The following ARL8B variants were observed in gnomAD, a reference collection of about 807,000 sequenced individuals.
ARL8B encodes the protein ADP-ribosylation factor-like protein 8B.
In ARL8B, 9 loss-of-function variants were observed where a neutral mutation model predicts 30.6. The ratio of observed to expected loss-of-function variants is 0.29; its 90% CI spans 0.18 to 0.51. ARL8B has a LOEUF of 0.51. Among genes scored for constraint, ARL8B ranks in the 20% least tolerant of loss-of-function variants. ARL8B has a pLI of 0.97. For synonymous variants in ARL8B, 74 were observed against 76.0 expected, an observed-to-expected ratio of 0.97 and a Z score of 0.14; for missense variants, 130 against 227.2, an observed-to-expected ratio of 0.57 and a Z score of 2.75.
At chr3:5,176,324 G>A (rs960475236) in intron 6 of ARL8B, among the ~76,000 whole-genome samples, 63 of 152,024 alleles carry the variant, frequency 4.1e-4, no homozygotes, top group African/African-American at 1.4e-3. Flanking sequence ...TCCACTTCCC[G>A]GGTTCAAGTG....
At chr3:5,123,420 G>C (rs2054201361) in intron 1 of ARL8B, among the ~76,000 whole-genome samples, 1 of 152,216 alleles carries the variant, frequency 6.6e-6, no homozygotes, top group African/African-American at 2.4e-5. Context: ...TGTGGTGTTT[G>C]TTCAGCAATG....
At chr3:5,178,401 G>T (rs1349283732) in intron 6 of ARL8B, among the ~76,000 whole-genome samples, 3 of 132,194 alleles carry the variant, frequency 2.3e-5, no homozygotes, top group African/African-American at 2.9e-5. Flanking sequence ...TGCAACACCT[G>T]ATTGATTGTG....
intron 1 of ARL8B, among the ~76,000 whole-genome samples, chr3:5,136,362 C>A (rs951387478): frequency 6.6e-6 from 1 of 152,296 alleles, no homozygotes; most frequent in East Asian, 1.9e-4. Flanking sequence ...AATTCCAATT[C>A]AGTCTGAAGT....
chr3:5,162,579 C>T (rs1479394739), intron 1 of ARL8B, among the ~76,000 whole-genome samples: 1 of 152,080 alleles, frequency 6.6e-6, no homozygotes, highest in Non-Finnish European at 1.5e-5. Flanking sequence ...TTTGGGCCAT[C>T]AGGTAAAAGA....
At chr3:5,174,689 TTATATGTAATA>T (rs1191450297) in intron 6 of ARL8B, among the ~76,000 whole-genome samples, 13 of 57,294 alleles carry the variant, frequency 2.3e-4, no homozygotes, top group South Asian at 2.1e-3. Flanking sequence ...GTATTATATA[TTATATGTAATA>T]TATATGTAAT....
At chr3:5,157,034 TA>T (rs2054539617) in intron 1 of ARL8B, 1 of 152,252 alleles carries the variant, frequency 6.6e-6, no homozygotes, top group Non-Finnish European at 1.5e-5. Context: ...CTGTGGAGAA[TA>T]TTGATTTGTT....
intron 6 of ARL8B, 99 bp from the exon 7 acceptor site, chr3:5,178,565 C>T (rs1430315716): frequency 6.1e-6 from 7 of 1,145,800 alleles, no homozygotes; most frequent in Non-Finnish European, 7.6e-6. Flanking sequence ...AGAGGTCAGG[C>T]ATAGTGTGTG....
Position 5,122,424 on chromosome 3 carries a change from G to T in ARL8B, c.-42G>T, listed in dbSNP as rs1249056141. 4 of 1,609,658 alleles carry T rather than the reference G, an allele frequency of 2.5e-6. No individual in the cohort carries two copies. The highest frequency in any genetic ancestry group is 4.5e-5 in the East Asian group (2 of 44,808). On this transcript the variant is annotated 5_prime_UTR_variant, in exon 1 of 7. Transcript: ENST00000256496. ...TCGTGTGGAAGTCGTCGACGCCGCCGCTCGTCCGTCCTCCCGTCCGTTCTC... is the reference window on the plus strand; with the variant it reads ...TCGTGTGGAAGTCGTCGACGCCGCCTCTCGTCCGTCCTCCCGTCCGTTCTC...
At chr3:5,148,355 T>C (rs1277674893) in intron 1 of ARL8B, among the ~76,000 whole-genome samples, 1 of 152,186 alleles carries the variant, frequency 6.6e-6, no homozygotes, top group Non-Finnish European at 1.5e-5. Context: ...GTGGAAGGGA[T>C]AGGGAAGTTC....
chr3:5,168,097 A>C (rs2054639765), intron 1 of ARL8B, among the ~76,000 whole-genome samples: 1 of 152,114 alleles, frequency 6.6e-6, no homozygotes, highest in African/African-American at 2.4e-5. Context: ...TCTATTGTCT[A>C]GGCTGGAGTA....
At chr3:5,154,810 A>G (rs919565406) in intron 1 of ARL8B, among the ~76,000 whole-genome samples, 2 of 152,208 alleles carry the variant, frequency 1.3e-5, no homozygotes, top group Non-Finnish European at 2.9e-5. Context: ...TCCGGGGTTC[A>G]TGTGATTCTC....
intron 1 of ARL8B, among the ~76,000 whole-genome samples, chr3:5,164,421 A>T (rs1375774017): frequency 2.0e-5 from 3 of 152,218 alleles, no homozygotes; most frequent in African/African-American, 4.8e-5. Flanking sequence ...AATTTGTTTT[A>T]TTTGGAAATT....
At chr3:5,154,160 CTTTGGAAAT>C (rs2054512399) in intron 1 of ARL8B, among the ~76,000 whole-genome samples, 1 of 151,824 alleles carries the variant, frequency 6.6e-6, no homozygotes, top group African/African-American at 2.4e-5. Flanking sequence ...GTAATTTTGT[CTTTGGAAAT>C]TTTGGAAATT....
chr3:5,147,213 C>T (rs1466614362), intron 1 of ARL8B, among the ~76,000 whole-genome samples: 1 of 152,112 alleles, frequency 6.6e-6, no homozygotes, highest in African/African-American at 2.4e-5. Context: ...TGTTCCCCAC[C>T]CTGTGTCCAG....
At chr3:5,142,633 T>C (rs1342495060) in intron 1 of ARL8B, among the ~76,000 whole-genome samples, 4 of 152,236 alleles carry the variant, frequency 2.6e-5, no homozygotes, top group African/African-American at 9.6e-5. Flanking sequence ...TTCTAAGGTT[T>C]GCCTTAAATC....
At chr3:5,175,047 T>A (rs1347387875) in intron 6 of ARL8B, among the ~76,000 whole-genome samples, 13 of 152,046 alleles carry the variant, frequency 8.6e-5, no homozygotes. Flanking sequence ...ATGATCCAAC[T>A]GCCTCGGCCC....
chr3:5,144,708 G>A (rs1020664854), intron 1 of ARL8B, among the ~76,000 whole-genome samples: 7 of 152,198 alleles, frequency 4.6e-5, no homozygotes, highest in African/African-American at 1.7e-4. Context: ...AGGGAGGCTT[G>A]CATAGCAGCT....
chr3:5,147,250 A>G (rs59624589), intron 1 of ARL8B, among the ~76,000 whole-genome samples: 42,781 of 151,884 alleles, frequency 0.28, 6,677 homozygotes, highest in African/African-American at 0.43. Flanking sequence ...GTTCCCACCT[A>G]TGAGTGAGAA....
chr3:5,140,558 G>GTT (rs4054878), intron 1 of ARL8B, among the ~76,000 whole-genome samples: 35,843 of 144,276 alleles, frequency 0.25, 5,342 homozygotes, highest in African/African-American at 0.43. Flanking sequence ...CACCTTCTTG[G>GTT]TTTTTTTTTT....
Sources: allele counts gnomAD v4.1 joint callset (sites outside exome capture counted in the v4.1 genomes callset), GRCh38; gene constraint gnomAD v4.1.1; transcripts MANE v1.5; gene names NCBI Gene and HGNC (gene_info 2026-07-23, HGNC 2026-07-21).